The following HCAR3 variants were observed in gnomAD, a reference collection of about 807,000 sequenced individuals.
HCAR3 encodes G-protein coupled receptor 109B.
For synonymous variants in HCAR3, 167 were observed against 201.0 expected, an observed-to-expected ratio of 0.83 and a Z score of 1.43; for missense variants, 404 against 501.2, an observed-to-expected ratio of 0.81 and a Z score of 1.85.
rs1259673010 is a variant in HCAR3, at chr12:122,715,579, C to T, written c.1159G>A (p.Glu387Lys). The T allele has an allele frequency of 3.8e-6, 6 of 1,585,076 alleles. No individual in the cohort carries two copies. In the East Asian group the frequency reaches 1.1e-4, roughly 29 times the overall value. Residue 387 changes from glutamate (E) to lysine (K), a missense_variant, in exon 1 of 1, where the codon GAG (glutamate) becomes AAG (lysine). Transcript: ENST00000528880. ...SLEKQLGCCI[E>K] is the part of the protein sequence containing the mutation. ...TTAGGCCGAGTCCAGTGACATTACT[C>T]GATGCAACAGCCCAACTGTTTCTCC...
Position 122,716,024 on chromosome 12 carries a change from G to T in HCAR3, c.714C>A (p.Ile238=). The T allele has an allele frequency of 6.3e-7, 1 of 1,599,950 alleles. No homozygotes were observed. The highest frequency in any genetic ancestry group is 1.1e-5 in the South Asian group (1 of 90,762). The change falls in exon 1 of 1, where the codon ATC becomes ATA. Residue 238 remains isoleucine (I), a synonymous_variant. Transcript: ENST00000528880. ...RAITFIMVVA[I]VFVICFLPSV... Reference sequence around the variant, plus strand: ...TGGGAAGGAAGCAGATGACAAAGACGATGGCCACCACCATGATGAAGGTGA... The same window carrying T: ...TGGGAAGGAAGCAGATGACAAAGACTATGGCCACCACCATGATGAAGGTGA...
Position 122,716,231 on chromosome 12 carries a change from G to A in HCAR3, c.507C>T (p.Ile169=). ...TVHLLKKKLL[I]QNGTANVCIS... ...TGCACACATTTGCAGTGCCATTCTG[G>A]ATCAGCAACTTCTTCTTCAGGAGGT... The change falls in exon 1 of 1, where the codon ATC becomes ATT. Residue 169 remains isoleucine (I), a synonymous_variant. Coordinates refer to ENST00000528880, the MANE Select transcript of HCAR3 (RefSeq NM_006018.3). 3.7e-6 allele frequency: 6 copies of A among 1,614,120 alleles called. No individual in the cohort carries two copies. The highest frequency in any genetic ancestry group is 5.1e-6 in the Non-Finnish European group (6 of 1,180,040).
Position 122,716,225 on chromosome 12 carries a change from A to G in HCAR3, c.513T>C (p.Asn171=), listed in dbSNP as rs762110327. The G allele has an allele frequency of 1.1e-5, 17 of 1,614,038 alleles. 1 individual carries two copies. The highest frequency in any genetic ancestry group is 3.4e-6 in the Non-Finnish European group (4 of 1,180,042). ...AGCTGATGCACACATTTGCAGTGCCATTCTGGATCAGCAACTTCTTCTTCA... is the reference window on the plus strand; with the variant it reads ...AGCTGATGCACACATTTGCAGTGCCGTTCTGGATCAGCAACTTCTTCTTCA... ...HLLKKKLLIQ[N]GTANVCISFS... is the part of the protein sequence containing the mutation. Residue 171 remains asparagine (N), a synonymous_variant, in exon 1 of 1, where the codon AAT becomes AAC. Coordinates refer to ENST00000528880, the MANE Select transcript of HCAR3 (RefSeq NM_006018.3).
Position 122,716,373 on chromosome 12 carries a change from G to C in HCAR3, c.365C>G (p.Ala122Gly). The C allele has an allele frequency of 6.2e-7, 1 of 1,614,024 alleles. No individual in the cohort carries two copies. The highest frequency in any genetic ancestry group is 8.5e-7 in the Non-Finnish European group (1 of 1,179,992). ...QGSIIFLTVV[A>G]VDRYFRVVHP... Reference sequence around the variant, plus strand: ...GACCACCCGGAAATACCTGTCTACCGCCACCACCGTGAGGAATATGATGCT... The same window carrying C: ...GACCACCCGGAAATACCTGTCTACCCCCACCACCGTGAGGAATATGATGCT... The change falls in exon 1 of 1, where the codon GCG (alanine) becomes GGG (glycine). Residue 122 changes from alanine to glycine, a missense_variant. Coordinates refer to ENST00000528880, the MANE Select transcript of HCAR3 (RefSeq NM_006018.3).
rs1231072072 is a variant in HCAR3, at chr12:122,716,135, C to A, written c.603G>T (p.Leu201=). 1.2e-6 allele frequency: 2 copies of A among 1,613,784 alleles called. No individual in the cohort carries two copies. Among genetic ancestry groups the A allele is most frequent in the African/African-American group, 1.3e-5 (1 of 74,806 alleles). ...AMFLLEFFLP[L]GIILFCSARI... The stretch of plus-strand genomic sequence containing the variant: ...TGGCTGAGCAGAACAGGATGATGCC[C>A]AGGGGCAGGAAGAACTCCAGGAGGA... The change falls in exon 1 of 1, where the codon CTG becomes CTT. Residue 201 remains leucine, a synonymous_variant. Transcript: ENST00000528880.
Position 122,716,199 on chromosome 12 carries a change from A to C in HCAR3, c.539T>G (p.Phe180Cys). The C allele has an allele frequency of 6.2e-7, 1 of 1,614,182 alleles. No homozygotes were observed. The highest frequency in any genetic ancestry group is 8.5e-7 in the Non-Finnish European group (1 of 1,180,030). The change falls in exon 1 of 1, where the codon TTC (phenylalanine) becomes TGC (cysteine). Residue 180 changes from phenylalanine to cysteine, a missense_variant. Phe to Cys is a radical substitution (Grantham distance 205, BLOSUM62 -2). Coordinates refer to ENST00000528880, the MANE Select transcript of HCAR3 (RefSeq NM_006018.3). ...QNGTANVCIS[F>C]SICHTFRWHE... Reference sequence around the variant, plus strand: ...CCACCGGAAGGTATGGCAGATGCTGAAGCTGATGCACACATTTGCAGTGCC... The same window carrying C: ...CCACCGGAAGGTATGGCAGATGCTGCAGCTGATGCACACATTTGCAGTGCC...
In HCAR3 at chr12:122,715,470, G is replaced by A. The variant is rs530319175; in HGVS notation, c.*104C>T. The A allele has an allele frequency of 7.1e-5, 90 of 1,262,082 alleles. No individual in the cohort carries two copies. In the Middle Eastern group the frequency reaches 1.6e-3, roughly 23 times the overall value. 78.2% of individuals were successfully genotyped at this position (1,262,082 alleles called of 1,614,324 possible). On this transcript the variant is annotated 3_prime_UTR_variant, in exon 1 of 1. Transcript: ENST00000528880. ...CTCTCTGTTCCTCCAGGATTCCTGCGGTCACACCTTGCAACCAGTCTCCCA... is the reference window on the plus strand; with the variant it reads ...CTCTCTGTTCCTCCAGGATTCCTGCAGTCACACCTTGCAACCAGTCTCCCA...
rs1484445390 is a variant in HCAR3 at position 122,716,087 on chromosome 12, C to T, written c.651G>A (p.Gln217=). Residue 217 remains glutamine (Q), a synonymous_variant, in exon 1 of 1, where the codon CAG becomes CAA. Coordinates refer to ENST00000528880, the MANE Select transcript of HCAR3 (RefSeq NM_006018.3). The part of the protein sequence containing the change: ...CSARIIWSLR[Q]RQMDRHAKIK... Reference sequence around the variant, plus strand: ...TCTTGGCATGCCGGTCCATTTGTCTCTGCCGCAGGCTCCAGATAATTCTGG... The same window carrying T: ...TCTTGGCATGCCGGTCCATTTGTCTTTGCCGCAGGCTCCAGATAATTCTGG... 3.1e-6 allele frequency: 5 copies of T among 1,612,572 alleles called. No individual in the cohort carries two copies. In the South Asian group the frequency reaches 4.4e-5, roughly 14 times the overall value.
Position 122,715,410 on chromosome 12 carries a change from G to A in HCAR3, c.*164C>T. 1 of 806,558 alleles carries A rather than the reference G, an allele frequency of 1.2e-6. No homozygotes were observed. The allele number at this position is 806,558 out of a possible 1,614,324, so 50.0% of individuals were successfully genotyped here. A position where few individuals can be genotyped will look rare whatever the true frequency, so the allele number is the denominator to read the frequency against. Reference sequence around the variant, plus strand: ...CCCATCTTCAGTCCTGCGAGCGTCAGAGATGAAGCAAGTTTCAGATGCCTA... The same window carrying A: ...CCCATCTTCAGTCCTGCGAGCGTCAAAGATGAAGCAAGTTTCAGATGCCTA... On this transcript the variant is annotated 3_prime_UTR_variant, in exon 1 of 1. Transcript: ENST00000528880.
chr12:122,716,030 C>T lies in HCAR3; in HGVS notation c.708G>A (p.Val236=). Residue 236 remains valine, a synonymous_variant, in exon 1 of 1, where the codon GTG becomes GTA. Coordinates refer to ENST00000528880, the MANE Select transcript of HCAR3 (RefSeq NM_006018.3). ...GGAAGCAGATGACAAAGACGATGGC[C>T]ACCACCATGATGAAGGTGATGGCTC... ...IKRAITFIMV[V]AIVFVICFLP... 6.2e-7 allele frequency: 1 copy of T among 1,602,574 alleles called. No individual in the cohort carries two copies. Among genetic ancestry groups the T allele is most frequent in the Non-Finnish European group, 8.5e-7 (1 of 1,171,962 alleles).
In HCAR3 at chr12:122,715,291, C is replaced by A. The variant is rs561235234; in HGVS notation, c.*283G>T. On this transcript the variant is annotated 3_prime_UTR_variant, in exon 1 of 1. Transcript: ENST00000528880. Reference sequence around the variant, plus strand: ...CTAGATATCACCCCAGGAGCTGAGCCCCCTCCAGTCTGAGGCAGATGTGGG... The same window carrying A: ...CTAGATATCACCCCAGGAGCTGAGCACCCTCCAGTCTGAGGCAGATGTGGG... The A allele has an allele frequency of 9.5e-3, 3,477 of 367,672 alleles. 10 individuals carry two copies. The highest frequency in any genetic ancestry group is 0.015 in the African/African-American group (707 of 47,962). 22.8% of individuals were successfully genotyped at this position (367,672 alleles called of 1,614,324 possible). A position where few individuals can be genotyped will look rare whatever the true frequency, so the allele number is the denominator to read the frequency against.
chr12:122,715,524 A>G lies in HCAR3; in HGVS notation c.*50T>C. On this transcript the variant is annotated 3_prime_UTR_variant, in exon 1 of 1. Transcript: ENST00000528880. ...ATCTGCCACAGTTTCCCTAAATCAGATTCTCTGAATCTGGAAGTTCCAGGA... is the reference window on the plus strand; with the variant it reads ...ATCTGCCACAGTTTCCCTAAATCAGGTTCTCTGAATCTGGAAGTTCCAGGA... 1.3e-6 allele frequency: 2 copies of G among 1,526,040 alleles called. No homozygotes were observed. Among genetic ancestry groups the G allele is most frequent in the Non-Finnish European group, 1.8e-6 (2 of 1,133,674 alleles). The allele number at this position is 1,526,040 out of a possible 1,614,324, so 94.5% of individuals were successfully genotyped here. A position where few individuals can be genotyped will look rare whatever the true frequency, so the allele number is the denominator to read the frequency against.
Position 122,715,769 on chromosome 12 carries a change from A to G in HCAR3, c.969T>C (p.Asn323=). The change falls in exon 1 of 1, where the codon AAT becomes AAC. Residue 323 remains asparagine, a synonymous_variant. Transcript: ENST00000528880. ...LQRKITGEPD[N]NRSTSVELTG... ...TGAGCTCGACGCTCGTGCTGCGGTT[A>G]TTATCTGGCTCACCTGTTATCTTCC... is the stretch of plus-strand genomic sequence containing the variant. 1.2e-6 allele frequency: 2 copies of G among 1,606,584 alleles called. No homozygotes were observed. The highest frequency in any genetic ancestry group is 1.7e-6 in the Non-Finnish European group (2 of 1,176,658).
At position 122,715,431 on chromosome 12, in the gene HCAR3, G is replaced by T; in HGVS notation, c.*143C>A. 2.1e-6 allele frequency: 2 copies of T among 942,038 alleles called. No individual in the cohort carries two copies. Among genetic ancestry groups the T allele is most frequent in the Non-Finnish European group, 1.6e-6 (1 of 626,946 alleles). 58.4% of individuals were successfully genotyped at this position (942,038 alleles called of 1,614,324 possible). On this transcript the variant is annotated 3_prime_UTR_variant, in exon 1 of 1. Coordinates refer to ENST00000528880, the MANE Select transcript of HCAR3 (RefSeq NM_006018.3). ...GTCAGAGATGAAGCAAGTTTCAGAT[G>T]CCTAGAAGCTTTACTCTCTGTTCCT...
At position 122,716,797 on chromosome 12, in the gene HCAR3, G is replaced by T; in HGVS notation, c.-60C>A. The T allele has an allele frequency of 2.5e-6, 4 of 1,589,510 alleles. No individual in the cohort carries two copies. Among genetic ancestry groups the T allele is most frequent in the Non-Finnish European group, 2.6e-6 (3 of 1,165,716 alleles). On this transcript the variant is annotated 5_prime_UTR_variant, in exon 1 of 1. Coordinates refer to ENST00000528880, the MANE Select transcript of HCAR3 (RefSeq NM_006018.3). Reference sequence around the variant, plus strand: ...CTAGTGAATGCTCCAGCAAAGTGGCGTGTGTCTGTATGGTGAACGTGTGGT... The same window carrying T: ...CTAGTGAATGCTCCAGCAAAGTGGCTTGTGTCTGTATGGTGAACGTGTGGT...
rs1877568820 is a variant in HCAR3 at position 122,716,794 on chromosome 12, G to T, written c.-57C>A. 1 of 1,592,166 alleles carries T rather than the reference G, an allele frequency of 6.3e-7. No homozygotes were observed. The highest frequency in any genetic ancestry group is 1.7e-5 in the Admixed American group (1 of 58,848). On this transcript the variant is annotated 5_prime_UTR_variant, in exon 1 of 1. Transcript: ENST00000528880. ...CGCCTAGTGAATGCTCCAGCAAAGTGGCGTGTGTCTGTATGGTGAACGTGT... is the reference window on the plus strand; with the variant it reads ...CGCCTAGTGAATGCTCCAGCAAAGTTGCGTGTGTCTGTATGGTGAACGTGT...
rs778187513 is a variant in HCAR3 at position 122,715,955 on chromosome 12, C to T, written c.783G>A (p.Ser261=). Residue 261 remains serine (S), a synonymous_variant, in exon 1 of 1, where the codon TCG becomes TCA. Transcript: ENST00000528880. ...GGTACACTTCACAATTCTGCGTGCC[C>T]GAAGTGTGCAGGAGCCAGAAGATGT... ...RIHIFWLLHT[S]GTQNCEVYRS... is the part of the protein sequence containing the mutation. The T allele has an allele frequency of 5.8e-6, 9 of 1,545,480 alleles. No homozygotes were observed. The highest frequency in any genetic ancestry group is 2.8e-5 in the African/African-American group (2 of 70,314).
At position 122,716,276 on chromosome 12, in the gene HCAR3, G is replaced by A. The variant is rs745559851; in HGVS notation, c.462C>T (p.Ile154=). 37 of 1,614,032 alleles carry A rather than the reference G, an allele frequency of 2.3e-5. No homozygotes were observed. The African/African-American group carries it at 4.7e-4, about 20-fold the overall frequency. Residue 154 remains isoleucine (I), a synonymous_variant, in exon 1 of 1, where the codon ATC becomes ATT. Coordinates refer to ENST00000528880, the MANE Select transcript of HCAR3 (RefSeq NM_006018.3). ...GGAGGTGGACTGTTAGGCCAACAGT[G>A]ATGCCCCACAGAAGGCAAGAGATGA... is the stretch of plus-strand genomic sequence containing the variant. The part of the protein sequence containing the change: ...AAIISCLLWG[I]TVGLTVHLLK...
chr12:122,715,081 A>G lies in HCAR3; in HGVS notation c.*493T>C, dbSNP rs1257469796. 1.2e-5 allele frequency: 2 copies of G among 164,450 alleles called. No homozygotes were observed. The highest frequency in any genetic ancestry group is 2.7e-5 in the Non-Finnish European group (2 of 74,080). 10.2% of individuals were successfully genotyped at this position (164,450 alleles called of 1,614,324 possible). A position where few individuals can be genotyped will look rare whatever the true frequency, so the allele number is the denominator to read the frequency against. On this transcript the variant is annotated 3_prime_UTR_variant, in exon 1 of 1. Coordinates refer to ENST00000528880, the MANE Select transcript of HCAR3 (RefSeq NM_006018.3). ...TATTACACCCACCGGAAACACAGAT[A>G]CTAACCAAAGCATGTGAGTCTCTTC...
Sources: gnomAD v4.1 joint callset for allele counts on GRCh38, gnomAD v4.1.1 for gene constraint, MANE v1.5 for transcripts, NCBI Gene and HGNC (gene_info 2026-07-23, HGNC 2026-07-21) for gene names.